NFASC: variants seen among roughly 807,000 people sequenced by gnomAD.
NFASC encodes neurofascin.
A neutral mutation model predicts 147.5 loss-of-function variants in NFASC; 43 were observed. That is an observed-to-expected ratio of 0.29 (90% CI 0.23 to 0.38). The LOEUF (loss-of-function observed/expected upper bound fraction) is 0.38, where lower values mean the gene tolerates loss of function less well. Among genes scored for constraint, NFASC ranks in the 10% least tolerant of loss-of-function variants. The pLI is 1.00. For synonymous variants in NFASC, 622 were observed against 665.5 expected, an observed-to-expected ratio of 0.93 and a Z score of 1.01; for missense variants, 1,320 against 1,689.0, an observed-to-expected ratio of 0.78 and a Z score of 3.83.
Position 204,954,765 on chromosome 1 carries a change from C to T in NFASC, c.413-64C>T. On this transcript the variant is annotated intron_variant, in intron 6 of 29. Coordinates refer to ENST00000339876, the MANE Select transcript of NFASC (RefSeq NM_001005388.3). This position sits in a 1 kb window ranked among gnomAD's most constrained non-coding sequence, Gnocchi z 5.7. ...TCCTCCTTGCATGCCTGCCTCTGAC[C>T]CTGCTCCTTGCCCCGGGCCCAGCCA... 6.3e-7 allele frequency: 1 copy of T among 1,589,218 alleles called. No individual in the cohort carries two copies. Among genetic ancestry groups the T allele is most frequent in the South Asian group, 1.1e-5 (1 of 89,198 alleles).
intron 1 of NFASC, among the ~76,000 whole-genome samples, chr1:204,834,807 A>G (rs1673212451): frequency 6.6e-6 from 1 of 152,090 alleles, no homozygotes. Context: ...TCCTAGAATA[A>G]AAAAGTTCTT....
intron 1 of NFASC, among the ~76,000 whole-genome samples, chr1:204,876,631 A>G (rs575927953): frequency 1.3e-5 from 2 of 152,258 alleles, no homozygotes; most frequent in African/African-American, 4.8e-5. Flanking sequence ...GCCCCTGGCA[A>G]CCGCCATTCT....
chr1:204,879,404 G>T (rs1162685973), intron 1 of NFASC, among the ~76,000 whole-genome samples: 3 of 152,196 alleles, frequency 2.0e-5, no homozygotes, highest in Non-Finnish European at 4.4e-5. Flanking sequence ...GACAAACCAG[G>T]GCTTGGGGGC....
chr1:204,894,104 G>C (rs2082938976), intron 1 of NFASC, among the ~76,000 whole-genome samples: 2 of 152,190 alleles, frequency 1.3e-5, no homozygotes. Flanking sequence ...ATAGTTATAA[G>C]CATCATGTCC....
Position 204,921,577 on chromosome 1 carries a change from G to A in NFASC, c.-91+837G>A, listed in dbSNP as rs957271357. On this transcript the variant is annotated intron_variant, in intron 2 of 29. Transcript: ENST00000339876. ...AGGGGCGTGGAGAGGGTTGAAAAGT[G>A]GAAGCTGAGAGTGCCGACGACATGG... Among the ~76,000 whole-genome samples, 3 of 152,138 alleles carry A rather than the reference G, an allele frequency of 2.0e-5. No homozygotes were observed. In the East Asian group the frequency reaches 5.8e-4, roughly 29 times the overall value.
intron 2 of NFASC, among the ~76,000 whole-genome samples, chr1:204,933,911 G>T (rs1430963878): frequency 6.6e-6 from 1 of 152,136 alleles, no homozygotes; most frequent in African/African-American, 2.4e-5. Flanking sequence ...GCCAACGTGG[G>T]TGGATCATCT....
chr1:205,012,983 A>G (rs577351257), intron 29 of NFASC, 117 bp downstream of exon 29: 133 of 743,488 alleles, frequency 1.8e-4, no homozygotes, highest in Non-Finnish European at 2.6e-4. Flanking sequence ...GTCCTTGCCC[A>G]TTGGGCTGTG....
At chr1:204,927,706 A>G (rs944515728) in intron 2 of NFASC, among the ~76,000 whole-genome samples, 1 of 151,712 alleles carries the variant, frequency 6.6e-6, no homozygotes, top group Non-Finnish European at 1.5e-5. Flanking sequence ...TCCCCACCTC[A>G]CCATCCCCCT....
chr1:204,917,219 A>AAAT (rs1476198960), intron 1 of NFASC, among the ~76,000 whole-genome samples: 1 of 152,144 alleles, frequency 6.6e-6, no homozygotes, highest in African/African-American at 2.4e-5. Context: ...CTCATCTCCT[A>AAAT]AATAATAATA....
rs1289951360 is a variant in NFASC, at chr1:205,018,788, C to T, written c.*2249C>T. 4.6e-5 allele frequency: 7 copies of T among 152,376 alleles called. No homozygotes were observed. The highest frequency in any genetic ancestry group is 7.2e-5 in the African/African-American group (3 of 41,444). 9.4% of individuals were successfully genotyped at this position (152,376 alleles called of 1,614,324 possible). ...CTCAGACACTCATTCCATACTGCAC[C>T]GTACATGCCAGCGTACCCATTGCAC... is the stretch of plus-strand genomic sequence containing the variant. On this transcript the variant is annotated 3_prime_UTR_variant, in exon 30 of 30. Coordinates refer to ENST00000339876, the MANE Select transcript of NFASC (RefSeq NM_001005388.3).
At chr1:205,001,562 A>G (rs1424494408) in intron 26 of NFASC, among the ~76,000 whole-genome samples, 1 of 152,062 alleles carries the variant, frequency 6.6e-6, no homozygotes, top group Admixed American at 6.6e-5. Context: ...CCCTTCATTC[A>G]TTTCCTGCCC....
chr1:204,907,061 A>C (rs2086162957), intron 1 of NFASC, among the ~76,000 whole-genome samples: 1 of 152,174 alleles, frequency 6.6e-6, no homozygotes, highest in Non-Finnish European at 1.5e-5. Flanking sequence ...AAGTGGATGT[A>C]CCATTTTTTA....
At chr1:204,905,126 C>G (rs1194523368) in intron 1 of NFASC, among the ~76,000 whole-genome samples, 1 of 151,938 alleles carries the variant, frequency 6.6e-6, no homozygotes, top group African/African-American at 2.4e-5. Context: ...GCTATGTTGC[C>G]CAGGCTGGAG....
At chr1:204,859,535 A>G (rs1344541520) in intron 1 of NFASC, among the ~76,000 whole-genome samples, 2 of 152,252 alleles carry the variant, frequency 1.3e-5, no homozygotes, top group Non-Finnish European at 2.9e-5. Context: ...CCAGTAAATT[A>G]TCTGTGCTAT....
chr1:204,841,091 A>G (rs185056204), intron 1 of NFASC, among the ~76,000 whole-genome samples: 297 of 152,300 alleles, frequency 2.0e-3, no homozygotes, highest in Non-Finnish European at 3.6e-3. Flanking sequence ...GGGTCTCACT[A>G]TGTGTGCCTG....
At chr1:204,988,177 C>T (rs1325675372) in intron 22 of NFASC, among the ~76,000 whole-genome samples, 1 of 152,240 alleles carries the variant, frequency 6.6e-6, no homozygotes, top group Non-Finnish European at 1.5e-5. Context: ...CAACTCTGTG[C>T]TTGTATGCTG....
intron 13 of NFASC, 166 bp downstream of exon 13, chr1:204,974,456 G>A: frequency 1.2e-6 from 1 of 809,672 alleles, no homozygotes; most frequent in Non-Finnish European, 2.1e-6. Flanking sequence ...TGTACAGAAT[G>A]GGAAACCAAG....
intron 1 of NFASC, among the ~76,000 whole-genome samples, chr1:204,888,294 C>T (rs141183507): frequency 1.2e-3 from 182 of 152,276 alleles, no homozygotes; most frequent in Non-Finnish European, 2.0e-3. Flanking sequence ...TGCCAAAAGA[C>T]AAAATTACAA....
rs1243406434 is a variant in NFASC at position 205,017,650 on chromosome 1, A to C, written c.*1111A>C. 1 of 152,672 alleles carries C rather than the reference A, an allele frequency of 6.5e-6. No individual in the cohort carries two copies. The highest frequency in any genetic ancestry group is 1.5e-5 in the Non-Finnish European group (1 of 68,064). 9.5% of individuals were successfully genotyped at this position (152,672 alleles called of 1,614,324 possible). On this transcript the variant is annotated 3_prime_UTR_variant, in exon 30 of 30. Coordinates refer to ENST00000339876, the MANE Select transcript of NFASC (RefSeq NM_001005388.3). Reference sequence around the variant, plus strand: ...AGCTTTGCTGGTGTGTTTGGGGCATAAGGCACTGCTCCCCTTCCATCTCTA... The same window carrying C: ...AGCTTTGCTGGTGTGTTTGGGGCATCAGGCACTGCTCCCCTTCCATCTCTA...
Sources: gnomAD v4.1 joint callset for allele counts (sites outside exome capture counted in the v4.1 genomes callset) on GRCh38, gnomAD v4.1.1 for gene constraint, Gnocchi (gnomAD v3.1) non-coding constraint, MANE v1.5 for transcripts, NCBI Gene and HGNC (gene_info 2026-07-23, HGNC 2026-07-21) for gene names.